The following EIF2AK4 variants were observed in gnomAD, a reference collection of about 807,000 sequenced individuals.
EIF2AK4 encodes eukaryotic translation initiation factor 2 alpha kinase 4.
EIF2AK4 carries 139 observed loss-of-function variants against 211.1 expected under a neutral mutation model. The ratio of observed to expected loss-of-function variants is 0.66; its 90% CI spans 0.57 to 0.76. EIF2AK4 has a LOEUF of 0.76. Ranked by LOEUF, EIF2AK4 falls within the 30% of genes least tolerant of loss-of-function variation. EIF2AK4 has a pLI of 0.00. For synonymous variants in EIF2AK4, 710 were observed against 751.3 expected (o/e 0.94, Z 0.90); for missense variants, 1,664 against 2,043.8 (o/e 0.81, Z 3.58).
At chr15:39,969,102 A>G (rs2034585275) in intron 9 of EIF2AK4, among the ~76,000 whole-genome samples, 1 of 152,094 alleles carries the variant, frequency 6.6e-6, no homozygotes, top group Non-Finnish European at 1.5e-5. Context: ...CACAGATGGA[A>G]AGTTTCATTT....
chr15:40,025,028 G>A (rs749705580), intron 32 of EIF2AK4, among the ~76,000 whole-genome samples: 4 of 152,166 alleles, frequency 2.6e-5, no homozygotes, highest in Non-Finnish European at 5.9e-5. Context: ...AGAGGCAGCA[G>A]TGAAGTCTTC....
At chr15:40,028,635 C>T (rs72731410) in intron 33 of EIF2AK4, among the ~76,000 whole-genome samples, 4,989 of 152,276 alleles carry the variant, frequency 0.033, 88 homozygotes, top group African/African-American at 0.057. Flanking sequence ...CTGTTCTTCT[C>T]ATGCCCCCAC....
At chr15:39,952,035 C>T (rs1321941658) in intron 4 of EIF2AK4, among the ~76,000 whole-genome samples, 4 of 151,934 alleles carry the variant, frequency 2.6e-5, no homozygotes, top group Non-Finnish European at 5.9e-5. Flanking sequence ...TCAATCCTAC[C>T]CCTCCCCATC....
At chr15:40,034,523 TGTC>T in intron 38 of EIF2AK4, 79 bp downstream of exon 38, 5 of 1,156,370 alleles carry the variant, frequency 4.3e-6, no homozygotes, top group Non-Finnish European at 6.4e-6. Flanking sequence ...ATTATTTTGT[TGTC>T]TTGTTGAGGT....
chr15:40,017,694 C>G (rs1435936061), intron 29 of EIF2AK4, among the ~76,000 whole-genome samples: 5 of 150,624 alleles, frequency 3.3e-5, no homozygotes, highest in Admixed American at 3.3e-4. Context: ...TACAGGCATG[C>G]ACCACCACAC....
At chr15:39,990,514 G>A (rs2034929174) in intron 16 of EIF2AK4, 137 bp downstream of exon 16, 5 of 726,204 alleles carry the variant, frequency 6.9e-6, no homozygotes, top group Non-Finnish European at 1.1e-5. Flanking sequence ...AACCTGAAGG[G>A]GTATGCTGCA....
chr15:40,017,501 C>CTTTATATATATATATATATATA (rs1363648720), intron 29 of EIF2AK4, among the ~76,000 whole-genome samples: 1 of 26,124 alleles, frequency 3.8e-5, no homozygotes, highest in Non-Finnish European at 7.3e-5. Context: ...TACTCTGTTT[C>CTTTATATATATATATATATATA]TATATATATA....
rs777880324 is a variant in EIF2AK4, at chr15:39,976,794, C to A, written c.2199C>A (p.Asp733Glu). The A allele has an allele frequency of 6.3e-7, 1 of 1,578,574 alleles. No individual in the cohort carries two copies. The highest frequency in any genetic ancestry group is 8.6e-7 in the Non-Finnish European group (1 of 1,165,068). Residue 733 changes from aspartate to glutamate, a missense_variant, in exon 12 of 39, where the codon GAC becomes GAA. Asp to Glu is a conservative substitution (Grantham distance 45). This residue lies in a region of EIF2AK4 where 206 missense variants were observed against 201.9 expected (regional missense o/e 1.02). Coordinates refer to ENST00000263791, the MANE Select transcript of EIF2AK4 (RefSeq NM_001013703.4). ...CCACCGGCCCGGGCTCCAGCGATGA[C>A]GAGGACGACGACGAGGACGAGCACG... ...FPATGPGSSD[D>E]EDDDEDEHGG...
intron 7 of EIF2AK4, 23 bp from the exon 8 acceptor site, chr15:39,965,663 T>G (rs757548613): frequency 1.9e-6 from 3 of 1,612,146 alleles, no homozygotes; most frequent in Non-Finnish European, 2.5e-6. Flanking sequence ...GGGATTTAAT[T>G]ACACTTTCTG....
intron 13 of EIF2AK4, among the ~76,000 whole-genome samples, chr15:39,983,713 A>C (rs2034826142): frequency 6.6e-6 from 1 of 152,212 alleles, no homozygotes; most frequent in South Asian, 2.1e-4. Context: ...CATTGCTGGG[A>C]TTACAGGCAT....
At chr15:39,999,210 GTC>G (rs1294032422) in intron 20 of EIF2AK4, among the ~76,000 whole-genome samples, 1 of 152,142 alleles carries the variant, frequency 6.6e-6, no homozygotes, top group Non-Finnish European at 1.5e-5. Flanking sequence ...TTTCTGGACA[GTC>G]TATTGTCACA....
chr15:39,978,271 AAAG>A, intron 13 of EIF2AK4, 124 bp downstream of exon 13: 1 of 453,604 alleles, frequency 2.2e-6, no homozygotes, highest in Non-Finnish European at 3.8e-6. Context: ...ATAAATTTTA[AAAG>A]ATGATTATTC....
At chr15:40,000,919 A>C in intron 20 of EIF2AK4, 69 bp from the exon 21 acceptor site, 1 of 1,500,228 alleles carries the variant, frequency 6.7e-7, no homozygotes. Flanking sequence ...CTGACTACTG[A>C]CTTGTCCGGA....
At chr15:40,017,054 C>T (rs2035312478) in intron 28 of EIF2AK4, 54 bp from the exon 29 acceptor site, 2 of 1,589,716 alleles carry the variant, frequency 1.3e-6, no homozygotes, top group Admixed American at 1.7e-5. Context: ...GCATTATATT[C>T]CACATTCTAA....
intron 3 of EIF2AK4, among the ~76,000 whole-genome samples, chr15:39,948,365 T>C (rs1426957566): frequency 6.6e-6 from 1 of 152,252 alleles, no homozygotes; most frequent in Non-Finnish European, 1.5e-5. Context: ...CAGCACTCTT[T>C]ACCTCTTTGG....
intron 27 of EIF2AK4, among the ~76,000 whole-genome samples, chr15:40,011,758 A>C (rs371334356): frequency 2.0e-5 from 3 of 152,250 alleles, no homozygotes; most frequent in African/African-American, 7.2e-5. Context: ...CCCTTCCCCT[A>C]CCTCCATGTC....
chr15:39,998,829 T>G (rs1418416649), intron 20 of EIF2AK4, 45 bp downstream of exon 20: 1 of 1,474,048 alleles, frequency 6.8e-7, no homozygotes, highest in Non-Finnish European at 9.3e-7. Flanking sequence ...GTCTTGCATT[T>G]TAATTATTAT....
At chr15:39,941,510 C>G (rs973001915) in intron 2 of EIF2AK4, among the ~76,000 whole-genome samples, 4 of 151,860 alleles carry the variant, frequency 2.6e-5, no homozygotes, top group Non-Finnish European at 5.9e-5. Context: ...ATACCATAGC[C>G]TCAAGAATTC....
In EIF2AK4 at chr15:39,985,844, G is replaced by T; in HGVS notation, c.2359G>T (p.Glu787Ter). 1.9e-6 allele frequency: 3 copies of T among 1,614,134 alleles called. No individual in the cohort carries two copies. Among genetic ancestry groups the T allele is most frequent in the Non-Finnish European group, 2.5e-6 (3 of 1,180,008 alleles). ...CNEKNGCHES[E>*]PSVTTEAVHY... Reference sequence around the variant, plus strand: ...TGAAAAGAATGGCTGCCATGAAAGTGAGCCATCAGTGACGACTGAGGCTGT... The same window carrying T: ...TGAAAAGAATGGCTGCCATGAAAGTTAGCCATCAGTGACGACTGAGGCTGT... Residue 787 changes from glutamate (E) to a stop codon, truncating the protein, a stop_gained, in exon 14 of 39, where the codon GAG becomes TAG. Transcript: ENST00000263791. LOFTEE classifies it high-confidence loss of function.
Sources: allele counts gnomAD v4.1 joint callset (sites outside exome capture counted in the v4.1 genomes callset), GRCh38; gene constraint gnomAD v4.1.1; regional missense constraint gnomAD v4.1.1; transcripts MANE v1.5; gene names NCBI Gene and HGNC (gene_info 2026-07-23, HGNC 2026-07-21).